Variants in CSMD1 observed in about 807,000 individuals in gnomAD.
CSMD1 encodes CUB and sushi domain-containing protein 1.
CSMD1 carries 213 observed loss-of-function variants against 417.5 expected under a neutral mutation model. The observed-to-expected ratio is 0.51, with a 90% CI of 0.46 to 0.57. The LOEUF (loss-of-function observed/expected upper bound fraction) is 0.57, where lower values mean the gene tolerates loss of function less well. Ranked by LOEUF, CSMD1 falls within the 20% of genes least tolerant of loss-of-function variation. The pLI is 0.00. For synonymous variants in CSMD1, 2,862 were observed against 1,736.8 expected (o/e 1.65, Z -16.11); for missense variants, 6,923 against 4,529.7 (o/e 1.53, Z -15.17).
intron 1 of CSMD1, among the ~76,000 whole-genome samples, chr8:4,973,614 G>T (rs182333500): frequency 1.3e-5 from 2 of 151,986 alleles, no homozygotes; most frequent in South Asian, 2.1e-4. Flanking sequence ...CTCTAATTTC[G>T]TATCTCTACA....
chr8:3,456,762 C>G (rs984224360), intron 12 of CSMD1, among the ~76,000 whole-genome samples: 4 of 152,082 alleles, frequency 2.6e-5, no homozygotes, highest in African/African-American at 9.7e-5. Flanking sequence ...GGAGGAAAGC[C>G]TGCAGATGAC....
At chr8:4,027,715 G>A (rs1585160174) in intron 4 of CSMD1, among the ~76,000 whole-genome samples, 3 of 152,106 alleles carry the variant, frequency 2.0e-5, no homozygotes, top group South Asian at 2.1e-4. Context: ...AGACATGGGG[G>A]CCCATTGAAC....
At chr8:4,326,693 C>T (rs76997937) in intron 3 of CSMD1, among the ~76,000 whole-genome samples, 1,787 of 152,200 alleles carry the variant, frequency 0.012, 20 homozygotes, top group African/African-American at 0.04. Context: ...GACTCAAGAA[C>T]ATGAAACATT....
intron 47 of CSMD1, among the ~76,000 whole-genome samples, chr8:3,096,148 C>T (rs1296037949): frequency 6.6e-6 from 1 of 152,126 alleles, no homozygotes; most frequent in African/African-American, 2.4e-5. Flanking sequence ...CTCTAAATCA[C>T]TGTGTTAAAA....
chr8:4,931,247 A>G (rs1807225609), intron 1 of CSMD1, among the ~76,000 whole-genome samples: 1 of 152,224 alleles, frequency 6.6e-6, no homozygotes, highest in African/African-American at 2.4e-5. Flanking sequence ...TTCTCCTTCA[A>G]TTTTAACATT....
intron 1 of CSMD1, among the ~76,000 whole-genome samples, chr8:4,965,827 TGC>T (rs1446841779): frequency 1.3e-5 from 2 of 152,126 alleles, no homozygotes; most frequent in African/African-American, 2.4e-5. Context: ...ACAAAATAAA[TGC>T]ATCTTCATGT....
At chr8:4,770,628 G>A (rs1001869715) in intron 1 of CSMD1, among the ~76,000 whole-genome samples, 15 of 151,964 alleles carry the variant, frequency 9.9e-5, no homozygotes, top group South Asian at 6.2e-4. Flanking sequence ...ATGGACCAGC[G>A]GAAGAGAATA....
intron 23 of CSMD1, among the ~76,000 whole-genome samples, chr8:3,317,836 G>A (rs530775709): frequency 6.6e-6 from 1 of 152,180 alleles, no homozygotes; most frequent in East Asian, 1.9e-4. Context: ...TTTGAGACAA[G>A]GTCTTGCTCT....
chr8:4,219,608 C>G (rs928243045), intron 3 of CSMD1, among the ~76,000 whole-genome samples: 2 of 152,022 alleles, frequency 1.3e-5, no homozygotes, highest in African/African-American at 4.8e-5. Context: ...GGCTCCAACC[C>G]AAAAAACACT....
chr8:4,300,802 G>A (rs376777864), intron 3 of CSMD1, among the ~76,000 whole-genome samples: 2 of 152,036 alleles, frequency 1.3e-5, no homozygotes, highest in Admixed American at 6.6e-5. Context: ...TTTTGTCCTG[G>A]CAATAGTTTG....
At chr8:4,601,744 G>T (rs1208343270) in intron 2 of CSMD1, among the ~76,000 whole-genome samples, 1 of 152,130 alleles carries the variant, frequency 6.6e-6, no homozygotes, top group Admixed American at 6.6e-5. Context: ...CCCTGTAGCT[G>T]GAGAAAAATA....
chr8:4,964,183 G>T (rs1809695433), intron 1 of CSMD1, among the ~76,000 whole-genome samples: 1 of 151,976 alleles, frequency 6.6e-6, no homozygotes, highest in African/African-American at 2.4e-5. Flanking sequence ...AGAGAAAAGG[G>T]AAATACATTA....
intron 5 of CSMD1, among the ~76,000 whole-genome samples, chr8:3,980,320 G>A (rs1366064732): frequency 6.6e-6 from 1 of 152,144 alleles, no homozygotes; most frequent in Non-Finnish European, 1.5e-5. Context: ...ACTGTAATAT[G>A]CGTCCGGAAG....
chr8:4,853,472 G>A (rs982625124), intron 1 of CSMD1, among the ~76,000 whole-genome samples: 3 of 152,180 alleles, frequency 2.0e-5, no homozygotes, highest in African/African-American at 7.2e-5. Context: ...GCCTGCTAGT[G>A]CACAGAATGC....
At chr8:4,974,206 A>C (rs1386020301) in intron 1 of CSMD1, among the ~76,000 whole-genome samples, 1 of 145,130 alleles carries the variant, frequency 6.9e-6, no homozygotes, top group Admixed American at 6.9e-5. Context: ...TTGTATTTTT[A>C]ATAGAGATGA....
At chr8:3,713,284 C>T (rs1265512395) in intron 6 of CSMD1, among the ~76,000 whole-genome samples, 1 of 152,180 alleles carries the variant, frequency 6.6e-6, no homozygotes, top group Non-Finnish European at 1.5e-5. Context: ...TTAAAACTCA[C>T]TTTCTGTAGG....
intron 25 of CSMD1, among the ~76,000 whole-genome samples, chr8:3,289,468 C>T (rs978645438): frequency 5.4e-5 from 8 of 147,504 alleles, no homozygotes; most frequent in Non-Finnish European, 1.2e-4. Flanking sequence ...CCTATTTCTC[C>T]ATATCCTCTC....
intron 1 of CSMD1, among the ~76,000 whole-genome samples, chr8:4,945,201 T>C (rs1419635648): frequency 6.6e-6 from 1 of 151,984 alleles, no homozygotes; most frequent in Non-Finnish European, 1.5e-5. Context: ...AGCAGTGAAA[T>C]CCTTAGAGAT....
intron 55 of CSMD1, among the ~76,000 whole-genome samples, chr8:2,976,471 A>C (rs1193958601): frequency 1.3e-5 from 2 of 152,068 alleles, no homozygotes; most frequent in South Asian, 4.2e-4. Context: ...TCAGCCTCCC[A>C]ATGTGCTGGG....
Sources: gnomAD v4.1 joint callset for allele counts (sites outside exome capture counted in the v4.1 genomes callset) on GRCh38, gnomAD v4.1.1 for gene constraint, MANE v1.5 for transcripts, NCBI Gene and HGNC (gene_info 2026-07-23, HGNC 2026-07-21) for gene names.